The following STK32B variants were observed in gnomAD, a reference collection of about 807,000 sequenced individuals.
STK32B encodes serine/threonine kinase 32B, also known as serine/threonine-protein kinase 32B.
STK32B carries 43 observed loss-of-function variants against 52.6 expected under a neutral mutation model. That is an observed-to-expected ratio of 0.82 (90% CI 0.64 to 1.05). The LOEUF (loss-of-function observed/expected upper bound fraction) is 1.05, where lower values mean the gene tolerates loss of function less well. Ranked by LOEUF, STK32B falls within the 50% of genes least tolerant of loss-of-function variation. The pLI, the probability that STK32B is intolerant of heterozygous loss-of-function variation, is 0.00. For synonymous variants in STK32B, 238 were observed against 204.3 expected (o/e 1.17, Z -1.41); for missense variants, 621 against 534.6 (o/e 1.16, Z -1.59).
chr4:5,339,449 G>A (rs775945227), intron 4 of STK32B, among the ~76,000 whole-genome samples: 6 of 152,072 alleles, frequency 3.9e-5, no homozygotes, highest in Non-Finnish European at 7.4e-5. Context: ...CTTTCAATGT[G>A]TGTATGTGTA....
At chr4:5,213,077 T>G (rs1052025949) in intron 3 of STK32B, among the ~76,000 whole-genome samples, 1 of 152,240 alleles carries the variant, frequency 6.6e-6, no homozygotes, top group Non-Finnish European at 1.5e-5. Context: ...CGAGGAGCTG[T>G]TGTGCATTAG....
At chr4:5,429,268 T>C (rs1487256763) in intron 6 of STK32B, among the ~76,000 whole-genome samples, 2 of 152,206 alleles carry the variant, frequency 1.3e-5, no homozygotes, top group East Asian at 3.8e-4. Flanking sequence ...TTCATTGATA[T>C]TTAGACCACT....
intron 3 of STK32B, among the ~76,000 whole-genome samples, chr4:5,281,730 G>C (rs1728211251): frequency 6.6e-6 from 1 of 152,146 alleles, no homozygotes; most frequent in Non-Finnish European, 1.5e-5. Context: ...AAAAAAGCAA[G>C]ACAAGAGTAA....
intron 3 of STK32B, among the ~76,000 whole-genome samples, chr4:5,169,858 A>G (rs1719218753): frequency 6.6e-6 from 1 of 152,150 alleles, no homozygotes; most frequent in African/African-American, 2.4e-5. Context: ...ACTCAGATTA[A>G]ATTTTGGTGT....
chr4:5,499,102 T>G lies in STK32B; in HGVS notation c.*19T>G. On this transcript the variant is annotated 3_prime_UTR_variant, in exon 12 of 12. Transcript: ENST00000282908. ...CAGCTGAGCCCACACTTGTTGCTGC[T>G]CAACAGGACTGCACTCGTCTCTGCC... 6.2e-7 allele frequency: 1 copy of G among 1,602,810 alleles called. No homozygotes were observed. Among genetic ancestry groups the G allele is most frequent in the South Asian group, 1.1e-5 (1 of 88,990 alleles).
chr4:5,253,383 T>G (rs1442549096), intron 3 of STK32B, among the ~76,000 whole-genome samples: 1 of 152,130 alleles, frequency 6.6e-6, no homozygotes, highest in Non-Finnish European at 1.5e-5. Flanking sequence ...TTGTTGTTGT[T>G]GTTGTTGTTT....
chr4:5,162,999 A>G (rs901275876), intron 2 of STK32B, among the ~76,000 whole-genome samples: 1 of 152,208 alleles, frequency 6.6e-6, no homozygotes, highest in Admixed American at 6.5e-5. Context: ...CACTGTACAC[A>G]TGGAATCACT....
At chr4:5,122,131 TTCAC>T (rs760476817) in intron 1 of STK32B, among the ~76,000 whole-genome samples, 2 of 151,352 alleles carry the variant, frequency 1.3e-5, no homozygotes, top group African/African-American at 2.5e-5. Context: ...CATTCACTGT[TTCAC>T]TCACACACTC....
At chr4:5,371,018 A>G (rs1362774882) in intron 4 of STK32B, among the ~76,000 whole-genome samples, 2 of 150,384 alleles carry the variant, frequency 1.3e-5, no homozygotes, top group East Asian at 1.9e-4. Flanking sequence ...ATATGTATAT[A>G]TATGTGTATA....
At chr4:5,411,018 A>G (rs1007169669) in intron 5 of STK32B, among the ~76,000 whole-genome samples, 1 of 144,906 alleles carries the variant, frequency 6.9e-6, no homozygotes, top group Non-Finnish European at 1.5e-5. Context: ...TAATCCAGTC[A>G]CCTCCTAAAG....
intron 4 of STK32B, among the ~76,000 whole-genome samples, chr4:5,367,903 C>T (rs966229761): frequency 6.6e-6 from 1 of 152,110 alleles, no homozygotes; most frequent in East Asian, 1.9e-4. Flanking sequence ...TCTCCCTGTC[C>T]ACATCGCCGC....
At chr4:5,178,152 A>T (rs1720072851) in intron 3 of STK32B, among the ~76,000 whole-genome samples, 1 of 152,138 alleles carries the variant, frequency 6.6e-6, no homozygotes, top group African/African-American at 2.4e-5. Context: ...CTGCTTGGAG[A>T]TCCAAGTGTT....
the STK32B span, among the ~76,000 whole-genome samples, chr4:5,025,343 C>T: frequency 3.3e-5 from 5 of 152,248 alleles, no homozygotes; most frequent in East Asian, 3.9e-4. Flanking sequence ...GGAGGTGGAA[C>T]GGGGGAGCTG....
At chr4:5,228,908 A>G (rs556693004) in intron 3 of STK32B, among the ~76,000 whole-genome samples, 2 of 152,292 alleles carry the variant, frequency 1.3e-5, no homozygotes, top group Middle Eastern at 3.4e-3. Flanking sequence ...CGGAGGGTGC[A>G]GTGAGCCAAG....
intron 4 of STK32B, among the ~76,000 whole-genome samples, chr4:5,371,058 A>G (rs112191989): frequency 0.021 from 3,202 of 150,720 alleles, 59 homozygotes; most frequent in South Asian, 0.055. Context: ...GTGTGTGTGT[A>G]TATATTCTAA....
intron 3 of STK32B, among the ~76,000 whole-genome samples, chr4:5,196,063 G>A (rs1015218058): frequency 6.6e-6 from 1 of 152,178 alleles, no homozygotes; most frequent in Non-Finnish European, 1.5e-5. Flanking sequence ...GATTGACAGG[G>A]AGTAGGAAAG....
At chr4:5,266,615 C>T (rs1010994911) in intron 3 of STK32B, among the ~76,000 whole-genome samples, 3 of 152,174 alleles carry the variant, frequency 2.0e-5, no homozygotes, top group Admixed American at 6.6e-5. Flanking sequence ...TCTGAATCAA[C>T]ATTTTTTAGT....
intron 3 of STK32B, among the ~76,000 whole-genome samples, chr4:5,294,080 C>T (rs1226339849): frequency 6.6e-6 from 1 of 152,106 alleles, no homozygotes; most frequent in Admixed American, 6.6e-5. Flanking sequence ...TCAAGTTTGT[C>T]AAAGATCAGA....
chr4:5,110,266 T>A, intron 1 of STK32B, among the ~76,000 whole-genome samples: 1 of 102,572 alleles, frequency 9.7e-6, no homozygotes, highest in Non-Finnish European at 1.9e-5. Flanking sequence ...AAAATTCATA[T>A]GGAACCAAAA....
Sources: gnomAD v4.1 joint callset for allele counts (sites outside exome capture counted in the v4.1 genomes callset) on GRCh38, gnomAD v4.1.1 for gene constraint, MANE v1.5 for transcripts, NCBI Gene and HGNC (gene_info 2026-07-23, HGNC 2026-07-21) for gene names.